NEK7: variants seen among roughly 807,000 people sequenced by gnomAD.
NEK7 encodes the protein NIMA related kinase 7, also known as serine/threonine-protein kinase Nek7.
NEK7 carries 18 observed loss-of-function variants against 44.6 expected under a neutral mutation model. The observed-to-expected ratio is 0.40, with a 90% CI of 0.28 to 0.60. The LOEUF (loss-of-function observed/expected upper bound fraction) is 0.60, where lower values mean the gene tolerates loss of function less well. Ranked by LOEUF, NEK7 falls within the 20% of genes least tolerant of loss-of-function variation. NEK7 has a pLI of 0.38. For synonymous variants in NEK7, 130 were observed against 121.1 expected, an observed-to-expected ratio of 1.07 and a Z score of -0.48; for missense variants, 256 against 366.5, an observed-to-expected ratio of 0.70 and a Z score of 2.46.
chr1:198,204,897 G>A (rs532010409), intron 1 of NEK7, among the ~76,000 whole-genome samples: 51 of 152,092 alleles, frequency 3.4e-4, no homozygotes, highest in African/African-American at 1.2e-3. Context: ...AGAGACATCC[G>A]CGTGTGCCTG....
Position 198,322,358 on chromosome 1 carries a change from T to A in NEK7, c.*2836T>A, listed in dbSNP as rs1362339548. 1 of 152,100 alleles carries A rather than the reference T, an allele frequency of 6.6e-6. No individual in the cohort carries two copies. Among genetic ancestry groups the A allele is most frequent in the East Asian group, 1.9e-4 (1 of 5,204 alleles). The allele number at this position is 152,100 out of a possible 1,614,324, so 9.4% of individuals were successfully genotyped here. A position where few individuals can be genotyped will look rare whatever the true frequency, so the allele number is the denominator to read the frequency against. On this transcript the variant is annotated 3_prime_UTR_variant, in exon 10 of 10. Transcript: ENST00000367385. ...TACAAAAAGATTTCTGTTATTAGCT[T>A]TGAAAATTGTATAATATCCTAATAT... is the stretch of plus-strand genomic sequence containing the variant.
At chr1:198,199,113 T>G (rs1665336907) in intron 1 of NEK7, among the ~76,000 whole-genome samples, 1 of 152,234 alleles carries the variant, frequency 6.6e-6, no homozygotes, top group South Asian at 2.1e-4. Flanking sequence ...CCAGGAAAGA[T>G]TCAGAGATGG....
chr1:198,239,007 G>A (rs541144157), intron 2 of NEK7, among the ~76,000 whole-genome samples: 1 of 152,028 alleles, frequency 6.6e-6, no homozygotes, highest in Admixed American at 6.6e-5. Context: ...TGATTTTGCC[G>A]CTTAAGTAGC....
chr1:198,246,236 T>C (rs977190359), intron 2 of NEK7, among the ~76,000 whole-genome samples: 5 of 152,208 alleles, frequency 3.3e-5, no homozygotes, highest in African/African-American at 1.2e-4. Context: ...AATTGCAGTG[T>C]GGCAAAGAGA....
chr1:198,256,109 A>T (rs142985493), intron 3 of NEK7, among the ~76,000 whole-genome samples: 53 of 152,288 alleles, frequency 3.5e-4, no homozygotes, highest in African/African-American at 1.3e-3. Flanking sequence ...GAACTGTATT[A>T]CTGTTCCCAG....
At chr1:198,175,554 C>T (rs916130602) in intron 1 of NEK7, among the ~76,000 whole-genome samples, 4 of 152,122 alleles carry the variant, frequency 2.6e-5, no homozygotes, top group African/African-American at 9.7e-5. Context: ...TATCTTAGCT[C>T]TTTAAATCAG....
intron 7 of NEK7, among the ~76,000 whole-genome samples, chr1:198,284,586 C>T (rs982113437): frequency 1.2e-4 from 18 of 152,058 alleles, no homozygotes; most frequent in African/African-American, 2.9e-4. Flanking sequence ...AATTGGAACA[C>T]GGCAATCAAG....
intron 1 of NEK7, among the ~76,000 whole-genome samples, chr1:198,181,275 C>A (rs187450700): frequency 5.9e-4 from 90 of 152,158 alleles, no homozygotes; most frequent in African/African-American, 2.1e-3. Flanking sequence ...TCATTGACTT[C>A]TTTTCAATAG....
At chr1:198,252,569 A>ATATATATATATATATATATATATAT (rs1558079353) in intron 2 of NEK7, among the ~76,000 whole-genome samples, 1 of 21,080 alleles carries the variant, frequency 4.7e-5, no homozygotes, top group Non-Finnish European at 8.4e-5. Flanking sequence ...TATATATATA[A>ATATATATATATATATATATATATAT]AAAGTACATA....
rs57495529 is a variant in NEK7 at position 198,268,340 on chromosome 1, G to A, written c.372+4105G>A. On this transcript the variant is annotated intron_variant, in intron 5 of 9. Coordinates refer to ENST00000367385, the MANE Select transcript of NEK7 (RefSeq NM_133494.3). ...CCCATCCTCCCATGTTCCCTAACTC[G>A]AGGCCTGGCACCAGTTTATCTCGTG... 6.6e-3 allele frequency among the ~76,000 whole-genome samples: 937 copies of A among 142,246 alleles called. 10 individuals are homozygous for A. The highest frequency in any genetic ancestry group is 0.024 in the African/African-American group (892 of 37,380). The allele number at this position is 142,246 out of a possible 152,430, so 93.3% of individuals were successfully genotyped here.
At position 198,279,097 on chromosome 1, in the gene NEK7, G is replaced by A. The variant is rs2102982601; in HGVS notation, c.589+36G>A. 4.1e-6 allele frequency: 5 copies of A among 1,217,090 alleles called. No homozygotes were observed. The South Asian group carries it at 6.1e-5, about 15-fold the overall frequency. 75.4% of individuals were successfully genotyped at this position (1,217,090 alleles called of 1,614,324 possible). ...CAATATAATTTCATTCAGTTACTTTGTGTATGTGTGATTAAAAGATAAGAG... is the reference window on the plus strand; with the variant it reads ...CAATATAATTTCATTCAGTTACTTTATGTATGTGTGATTAAAAGATAAGAG... On this transcript the variant is annotated intron_variant, in intron 7 of 9. Transcript: ENST00000367385.
chr1:198,262,062 G>GAAC (rs1297807756), intron 3 of NEK7, among the ~76,000 whole-genome samples: 1 of 151,802 alleles, frequency 6.6e-6, no homozygotes, highest in African/African-American at 2.4e-5. Context: ...GACATGATTT[G>GAAC]ATGGAACAGA....
rs55833332 is a variant in NEK7 at position 198,253,085 on chromosome 1, C to A, written c.103C>A (p.Arg35=). The change falls in exon 3 of 10, where the codon CGA becomes AGA. Residue 35 remains arginine, a synonymous_variant. Transcript: ENST00000367385. ...GGGCTATAATACATTAGCCAACTTT[C>A]GAATAGAAAAGAAAATTGGTCGCGG... ...DMGYNTLANF[R]IEKKIGRGQF... 6.2e-7 allele frequency: 1 copy of A among 1,611,990 alleles called. No individual in the cohort carries two copies. Among genetic ancestry groups the A allele is most frequent in the Admixed American group, 1.7e-5 (1 of 59,880 alleles).
At chr1:198,205,664 AT>A (rs561655968) in intron 1 of NEK7, among the ~76,000 whole-genome samples, 215 of 144,274 alleles carry the variant, frequency 1.5e-3, no homozygotes, top group Middle Eastern at 7.0e-3. Flanking sequence ...CTGCACTCAC[AT>A]TTTTTTTTTT....
chr1:198,183,936 C>G (rs1257448365), intron 1 of NEK7, among the ~76,000 whole-genome samples: 1 of 152,164 alleles, frequency 6.6e-6, no homozygotes, highest in Non-Finnish European at 1.5e-5. Flanking sequence ...TCCGTTTTAT[C>G]CTAACAAATA....
intron 9 of NEK7, among the ~76,000 whole-genome samples, chr1:198,316,851 A>G (rs1655385741): frequency 6.6e-6 from 1 of 152,214 alleles, no homozygotes; most frequent in South Asian, 2.1e-4. Flanking sequence ...ATGGTTAGAA[A>G]GGAAAATGAG....
intron 3 of NEK7, chr1:198,256,527 C>G: frequency 6.6e-7 from 1 of 1,511,702 alleles, no homozygotes; most frequent in Non-Finnish European, 8.8e-7. Context: ...TTGAAATTCT[C>G]TGTACCAACT....
At chr1:198,289,141 GTGTGTGTGTGTGTGT>G (rs1177972301) in intron 7 of NEK7, among the ~76,000 whole-genome samples, 1 of 126,636 alleles carries the variant, frequency 7.9e-6, no homozygotes, top group Non-Finnish European at 1.7e-5. Flanking sequence ...TTGTGTGTGT[GTGTGTGTGTGTGTGT>G]GTGTGTGTGT....
chr1:198,159,383 C>T (rs1209004666), intron 1 of NEK7, among the ~76,000 whole-genome samples: 2 of 152,158 alleles, frequency 1.3e-5, no homozygotes, highest in Non-Finnish European at 2.9e-5. Flanking sequence ...GATTCAGCTG[C>T]ACCTAGAACT....
Sources: allele counts gnomAD v4.1 joint callset (sites outside exome capture counted in the v4.1 genomes callset), GRCh38; gene constraint gnomAD v4.1.1; transcripts MANE v1.5; gene names NCBI Gene and HGNC (gene_info 2026-07-23, HGNC 2026-07-21).